ALLC: variants seen among roughly 807,000 people sequenced by gnomAD.
ALLC encodes the protein probable inactive allantoicase.
ALLC carries 40 observed loss-of-function variants against 45.0 expected under a neutral mutation model. That is an observed-to-expected ratio of 0.89 (90% CI 0.69 to 1.16). The LOEUF (loss-of-function observed/expected upper bound fraction) is 1.16, where lower values mean the gene tolerates loss of function less well. ALLC is among the 50% of genes most tolerant of loss of function. ALLC has a pLI of 0.00. For synonymous variants in ALLC, 176 were observed against 178.1 expected (o/e 0.99, Z 0.09); for missense variants, 488 against 493.1 (o/e 0.99, Z 0.10).
chr2:3,651,304 GTGGGT>G, the ALLC span, among the ~76,000 whole-genome samples: 174 of 6,232 alleles, frequency 0.028, 2 homozygotes, highest in Non-Finnish European at 0.036. Context: ...TTTTGGGTGG[GTGGGT>G]GGGTGGGGGG....
chr2:3,651,433 G>GCA, the ALLC span, among the ~76,000 whole-genome samples: 4 of 60,988 alleles, frequency 6.6e-5, no homozygotes, highest in African/African-American at 9.9e-5. Context: ...GTGTGTGTGT[G>GCA]TGTGTGTGTT....
chr2:3,647,893 C>A, the ALLC span, among the ~76,000 whole-genome samples: 1 of 152,194 alleles, frequency 6.6e-6, no homozygotes, highest in Non-Finnish European at 1.5e-5. Flanking sequence ...GCCGGTGAGA[C>A]CCTATCTGTA....
chr2:3,697,621 G>GTCTGTCTGTCTA lies in ALLC; in HGVS notation c.850+168_850+169insGTCTGTCTATCT, dbSNP rs1354630765. Among the ~76,000 whole-genome samples, 1,158 of 125,396 alleles carry GTCTGTCTGTCTA rather than the reference G, an allele frequency of 9.2e-3. 14 individuals are homozygous for GTCTGTCTGTCTA. Among genetic ancestry groups the GTCTGTCTGTCTA allele is most frequent in the African/African-American group, 0.03 (1,081 of 36,092 alleles). 82.3% of individuals were successfully genotyped at this position (125,396 alleles called of 152,430 possible). On this transcript the variant is annotated intron_variant, in intron 10 of 11. Coordinates refer to ENST00000252505, the MANE Select transcript of ALLC (RefSeq NM_018436.4). ...TTAACCCTTAGAACTCTGTCTGTCTGTCTATCTATCTATCTATCTATCTAT... is the reference window on the plus strand; with the variant it reads ...TTAACCCTTAGAACTCTGTCTGTCTGTCTGTCTGTCTATCTATCTATCTATCTATCTATCTAT...
intron 7 of ALLC, among the ~76,000 whole-genome samples, chr2:3,690,155 A>G (rs1212357800): frequency 6.8e-6 from 1 of 146,772 alleles, no homozygotes; most frequent in Non-Finnish European, 1.5e-5. Context: ...GCAACAGTAT[A>G]CCTTTTATTT....
chr2:3,683,274 C>G (rs562807429), intron 7 of ALLC, among the ~76,000 whole-genome samples, 200 bp downstream of exon 7: 1 of 152,250 alleles, frequency 6.6e-6, no homozygotes, highest in South Asian at 2.1e-4. Context: ...GAAAAATTAT[C>G]AAGTAAATTA....
intron 1 of ALLC, among the ~76,000 whole-genome samples, chr2:3,665,377 G>A (rs185085684): frequency 1.8e-4 from 27 of 152,142 alleles, no homozygotes; most frequent in African/African-American, 6.0e-4. Flanking sequence ...GTAGGTAAAC[G>A]TGTGCCATGG....
the ALLC span, among the ~76,000 whole-genome samples, chr2:3,650,424 C>T: frequency 2.6e-5 from 4 of 152,186 alleles, no homozygotes; most frequent in South Asian, 2.1e-4. Flanking sequence ...TGATGCTGAG[C>T]GCTGTTTGCT....
chr2:3,695,525 G>T, intron 7 of ALLC, 192 bp from the exon 8 acceptor site: 1 of 588,914 alleles, frequency 1.7e-6, no homozygotes. Context: ...AGCTGGGAAA[G>T]TTGTTCTGGT....
At chr2:3,701,491 C>T (rs777897914) in intron 10 of ALLC, 21 bp from the exon 11 acceptor site, 13 of 1,567,126 alleles carry the variant, frequency 8.3e-6, no homozygotes, top group Admixed American at 1.8e-5. Flanking sequence ...CAGAAAATCA[C>T]GCTGTGTTTT....
upstream of ALLC, among the ~76,000 whole-genome samples, chr2:3,653,264 G>A (rs1666377862): frequency 6.6e-6 from 1 of 152,264 alleles, no homozygotes; most frequent in South Asian, 2.1e-4. The surrounding 1 kb of genome is among the most constrained non-coding windows in gnomAD (Gnocchi z 4.1). Flanking sequence ...CTCTGCCCAT[G>A]ATGGGAGAAG....
At chr2:3,672,251 A>T (rs1399846741) in intron 2 of ALLC, among the ~76,000 whole-genome samples, 1 of 117,510 alleles carries the variant, frequency 8.5e-6, no homozygotes, top group East Asian at 2.5e-4. Context: ...CTCTGGTTAG[A>T]TGGGAGGTCC....
Position 3,695,883 on chromosome 2 carries a change from ATTC to A in ALLC, c.667+14_667+16del, listed in dbSNP as rs778663978. 6.3e-7 allele frequency: 1 copy of A among 1,595,872 alleles called. No homozygotes were observed. The highest frequency in any genetic ancestry group is 8.5e-7 in the Non-Finnish European group (1 of 1,172,240). On this transcript the variant is annotated intron_variant, in intron 8 of 11. Transcript: ENST00000252505. ...CAAACAATATAATAGGTAAGATGAT[ATTC>A]TTGGAGCTGGCTTATTTAGGAAGTC...
intron 7 of ALLC, among the ~76,000 whole-genome samples, chr2:3,691,454 G>T (rs1298114937): frequency 1.3e-5 from 2 of 151,780 alleles, no homozygotes; most frequent in African/African-American, 4.8e-5. Flanking sequence ...GTAGAAATGG[G>T]GTTTTACCAT....
chr2:3,701,152 T>G (rs1364648652), intron 10 of ALLC, among the ~76,000 whole-genome samples: 4 of 152,192 alleles, frequency 2.6e-5, no homozygotes. Flanking sequence ...CATAATAATT[T>G]CAGATGAGCC....
chr2:3,652,123 CCGCCT>C, the ALLC span, among the ~76,000 whole-genome samples: 1 of 152,240 alleles, frequency 6.6e-6, no homozygotes. Flanking sequence ...GCCCGGAGCC[CCGCCT>C]CGGTGCGTGT....
At chr2:3,654,957 C>T (rs1045501144), upstream of ALLC, among the ~76,000 whole-genome samples, 6 of 152,248 alleles carry the variant, frequency 3.9e-5, no homozygotes, top group African/African-American at 1.4e-4. Context: ...AAGCAGCATC[C>T]GTGACCTCCC....
intron 2 of ALLC, 23 bp downstream of exon 2, chr2:3,671,213 A>G (rs1287663375): frequency 6.2e-7 from 1 of 1,606,428 alleles, no homozygotes; most frequent in African/African-American, 1.3e-5. Context: ...CTCATGGCCA[A>G]ACAAGGGTTG....
upstream of ALLC, among the ~76,000 whole-genome samples, chr2:3,654,914 C>G (rs140531274): frequency 6.6e-6 from 1 of 152,322 alleles, no homozygotes; most frequent in African/African-American, 2.4e-5. Context: ...CTGTGTAATG[C>G]GGCACAGCAA....
In ALLC at chr2:3,702,228, A is replaced by G. The variant is rs561873720; in HGVS notation, c.976-135A>G. 5.8e-5 allele frequency: 40 copies of G among 690,012 alleles called. No homozygotes were observed. In the South Asian group the frequency reaches 7.7e-4, roughly 13 times the overall value. The allele number at this position is 690,012 out of a possible 1,614,324, so 42.7% of individuals were successfully genotyped here. On this transcript the variant is annotated intron_variant, in intron 11 of 11. Transcript: ENST00000252505. The stretch of plus-strand genomic sequence containing the variant: ...CTAGCAGATTTTCATGGAAAGCCCA[A>G]TTATCATCAATTAATAACTTATTTT...
Sources: allele counts gnomAD v4.1 joint callset (sites outside exome capture counted in the v4.1 genomes callset), GRCh38; gene constraint gnomAD v4.1.1; non-coding constraint Gnocchi (gnomAD v3.1); transcripts MANE v1.5; gene names NCBI Gene and HGNC (gene_info 2026-07-23, HGNC 2026-07-21).